The following BRSK2 variants were observed in gnomAD, a reference collection of about 807,000 sequenced individuals.
The protein encoded by BRSK2 is BR serine/threonine kinase 2.
Under a neutral mutation model 83.3 loss-of-function variants are expected in BRSK2, and 19 were observed. The observed-to-expected ratio is 0.23, with a 90% confidence interval of 0.16 to 0.33. The LOEUF (loss-of-function observed/expected upper bound fraction) is 0.33, where lower values mean the gene tolerates loss of function less well. BRSK2 is among the 10% of genes least tolerant of loss of function. The pLI is 1.00. For missense variants in BRSK2, 798 were observed against 1,042.3 expected (o/e 0.77, Z 3.23); for synonymous variants, 519 against 435.4 (o/e 1.19, Z -2.39).
chr11:1,448,862 A>G (rs1469541735), intron 12 of BRSK2, among the ~76,000 whole-genome samples: 2 of 152,098 alleles, frequency 1.3e-5, no homozygotes, highest in Non-Finnish European at 2.9e-5. Context: ...CCAGCGTGGC[A>G]CTCTCCACGG....
At chr11:1,429,576 C>CCCAGCAG (rs1849731509) in intron 1 of BRSK2, among the ~76,000 whole-genome samples, 1 of 149,774 alleles carries the variant, frequency 6.7e-6, no homozygotes, top group African/African-American at 2.5e-5. Context: ...TGCCACTGTG[C>CCCAGCAG]TCAGCAGTGA....
At chr11:1,424,363 GGAA>G (rs530249305) in intron 1 of BRSK2, among the ~76,000 whole-genome samples, 19 of 152,330 alleles carry the variant, frequency 1.2e-4, no homozygotes, top group Middle Eastern at 6.8e-3. Context: ...GGGGGCAAAA[GGAA>G]GAAGGACAGG....
At chr11:1,392,747 T>C (rs2134003883) in intron 1 of BRSK2, among the ~76,000 whole-genome samples, 1 of 152,338 alleles carries the variant, frequency 6.6e-6, no homozygotes, top group Admixed American at 6.5e-5. Flanking sequence ...GGCTGTCTTC[T>C]TCTGCCTTTC....
chr11:1,459,145 C>T lies in BRSK2; in HGVS notation c.1940-47C>T, dbSNP rs142369569. The stretch of plus-strand genomic sequence containing the variant: ...GGGCGTCCAGCCAGAAGGCCCAGGA[C>T]AGCCTTTCACTCACTCCCTCCCTCC... On this transcript the variant is annotated intron_variant, in intron 18 of 19. Transcript: ENST00000528841. The T allele has an allele frequency of 8.0e-5, 128 of 1,597,802 alleles. No individual in the cohort carries two copies. The East Asian group carries it at 1.1e-3, about 13-fold the overall frequency.
chr11:1,429,310 TGTGTGC>T (rs796455180), intron 1 of BRSK2, among the ~76,000 whole-genome samples: 8 of 109,234 alleles, frequency 7.3e-5, no homozygotes, highest in African/African-American at 4.1e-4. Context: ...GTCCTGGGTG[TGTGTGC>T]GTGTGCGCAC....
intron 19 of BRSK2, 191 bp downstream of exon 19, chr11:1,459,430 GC>G: frequency 1.6e-6 from 1 of 637,426 alleles, no homozygotes; most frequent in Non-Finnish European, 2.8e-6. Flanking sequence ...ACCACAGCAA[GC>G]CCAGGCGGGG....
Position 1,438,465 on chromosome 11 carries a change from C to A in BRSK2, c.272+74C>A. 10 of 1,384,448 alleles carry A rather than the reference C, an allele frequency of 7.2e-6. No individual in the cohort carries two copies. Among genetic ancestry groups the A allele is most frequent in the Non-Finnish European group, 1.0e-5 (10 of 977,028 alleles). The allele number at this position is 1,384,448 out of a possible 1,614,324, so 85.8% of individuals were successfully genotyped here. A position where few individuals can be genotyped will look rare whatever the true frequency, so the allele number is the denominator to read the frequency against. ...TCGCTGCAGGGGTGGGTGTCTGGGG[C>A]TTGGGGAGCACAGGGGCTGGAGGCC... is the stretch of plus-strand genomic sequence containing the variant. On this transcript the variant is annotated intron_variant, in intron 3 of 19. Transcript: ENST00000528841. The surrounding 1 kb of genome is among the most constrained non-coding windows in gnomAD (Gnocchi z 6.4).
At position 1,461,983 on chromosome 11, in the gene BRSK2, C is replaced by G. The variant is rs1847556296; in HGVS notation, c.*1260C>G. ...GCAGCGCCAGCGCCCCTCTGTCAGG[C>G]TGGGGCAATCTTGGTTTTGTGTCCA... On this transcript the variant is annotated 3_prime_UTR_variant, in exon 20 of 20. Transcript: ENST00000528841. 6.6e-6 allele frequency: 1 copy of G among 152,128 alleles called. No homozygotes were observed. Among genetic ancestry groups the G allele is most frequent in the African/African-American group, 2.4e-5 (1 of 41,412 alleles). 9.4% of individuals were successfully genotyped at this position (152,128 alleles called of 1,614,324 possible).
chr11:1,446,374 T>A (rs1852126138), intron 12 of BRSK2, among the ~76,000 whole-genome samples: 1 of 144,216 alleles, frequency 6.9e-6, no homozygotes, highest in Non-Finnish European at 1.5e-5. Context: ...TGGGCTGAGC[T>A]GGGCAGGGCT....
chr11:1,455,340 C>G (rs1590690050), intron 16 of BRSK2, among the ~76,000 whole-genome samples: 2 of 150,118 alleles, frequency 1.3e-5, no homozygotes, highest in East Asian at 4.0e-4. Context: ...CCCAGCCTGC[C>G]TCCCCAGGGC....
At chr11:1,443,686 G>A in intron 8 of BRSK2, 51 bp downstream of exon 8, 1 of 1,487,742 alleles carries the variant, frequency 6.7e-7, no homozygotes, top group Non-Finnish European at 8.9e-7. Flanking sequence ...GGGGGCGCGG[G>A]GGCGGGCGTG....
chr11:1,451,696 C>T (rs771400137), intron 15 of BRSK2, among the ~76,000 whole-genome samples: 62 of 152,192 alleles, frequency 4.1e-4, no homozygotes, highest in African/African-American at 1.4e-3. Context: ...GTACACTGGG[C>T]AGAGTCTCCC....
intron 14 of BRSK2, among the ~76,000 whole-genome samples, chr11:1,451,101 TG>T (rs1845766267): frequency 6.6e-6 from 1 of 152,090 alleles, no homozygotes; most frequent in African/African-American, 2.4e-5. Flanking sequence ...GCCCCATGTG[TG>T]GGGCACCAAG....
At chr11:1,409,096 A>C (rs1341965878) in intron 1 of BRSK2, among the ~76,000 whole-genome samples, 1 of 151,806 alleles carries the variant, frequency 6.6e-6, no homozygotes, top group Non-Finnish European at 1.5e-5. Flanking sequence ...GTGTGTGTAC[A>C]CACATCTGTG....
chr11:1,391,659 G>C (rs2133998806), intron 1 of BRSK2, among the ~76,000 whole-genome samples: 1 of 152,308 alleles, frequency 6.6e-6, no homozygotes, highest in South Asian at 2.1e-4. Flanking sequence ...TGGAGAAGGA[G>C]GTGGCATTCA....
At chr11:1,395,499 A>G (rs1304849698) in intron 1 of BRSK2, among the ~76,000 whole-genome samples, 2 of 152,120 alleles carry the variant, frequency 1.3e-5, no homozygotes, top group Admixed American at 6.5e-5. Flanking sequence ...TGTCCCTGTC[A>G]GGGCCCTTGG....
At chr11:1,459,830 C>T (rs1020598936) in intron 19 of BRSK2, among the ~76,000 whole-genome samples, 1 of 152,204 alleles carries the variant, frequency 6.6e-6, no homozygotes, top group Non-Finnish European at 1.5e-5. Context: ...CACATCCACC[C>T]CTCCATGCTT....
chr11:1,406,858 A>G (rs148088583), intron 1 of BRSK2, among the ~76,000 whole-genome samples: 2 of 152,136 alleles, frequency 1.3e-5, no homozygotes, highest in East Asian at 3.9e-4. Flanking sequence ...ATGTGTGTGC[A>G]TGTCCATGTG....
intron 1 of BRSK2, among the ~76,000 whole-genome samples, chr11:1,426,142 G>T (rs1262149667): frequency 6.6e-6 from 1 of 152,202 alleles, no homozygotes; most frequent in African/African-American, 2.4e-5. Context: ...GGTGCTCTGG[G>T]CACCCAGCTG....
Sources: allele counts gnomAD v4.1 joint callset (sites outside exome capture counted in the v4.1 genomes callset), GRCh38; gene constraint gnomAD v4.1.1; non-coding constraint Gnocchi (gnomAD v3.1); transcripts MANE v1.5; gene names NCBI Gene and HGNC (gene_info 2026-07-23, HGNC 2026-07-21).